SULT1C3: variants seen among roughly 807,000 people sequenced by gnomAD.
SULT1C3 encodes the protein sulfotransferase family 1C member 3, also known as sulfotransferase 1C3.
A neutral mutation model predicts 28.4 loss-of-function variants in SULT1C3; 31 were observed. The observed-to-expected ratio is 1.09, with a 90% confidence interval of 0.82 to 1.47. The LOEUF is 1.47. Ranked by LOEUF, SULT1C3 falls within the 40% of genes most tolerant of loss-of-function variation. SULT1C3 has a pLI of 0.00. For missense variants in SULT1C3, 307 were observed against 272.5 expected (o/e 1.13, Z -0.89); for synonymous variants, 106 against 92.2 (o/e 1.15, Z -0.86).
downstream of SULT1C3, chr2:108,264,718 T>C (rs1335068331): frequency 1.8e-6 from 2 of 1,140,366 alleles, no homozygotes; most frequent in Non-Finnish European, 1.2e-6. Context: ...TTAAAATGTG[T>C]TCAAATGATC....
downstream of SULT1C3, among the ~76,000 whole-genome samples, chr2:108,263,969 T>A (rs1676076974): frequency 1.3e-5 from 2 of 152,180 alleles, no homozygotes; most frequent in Admixed American, 6.5e-5. Context: ...ATCTATCTCA[T>A]GAGATCATTG....
rs562924414 is a variant in SULT1C3 at position 108,260,754 on chromosome 2, G to A, written c.*74G>A. On this transcript the variant is annotated 3_prime_UTR_variant, in exon 8 of 8. Transcript: ENST00000681802. ...CTTTTATTCTGTTGAGCAAGGAACT[G>A]TGACTGAATGTGGAGCTTATGAGCT... is the stretch of plus-strand genomic sequence containing the variant. 2.3e-6 allele frequency: 1 copy of A among 430,756 alleles called. No homozygotes were observed. Among genetic ancestry groups the A allele is most frequent in the Non-Finnish European group, 4.7e-6 (1 of 213,410 alleles). 26.7% of individuals were successfully genotyped at this position (430,756 alleles called of 1,614,324 possible).
chr2:108,260,421 A>G, intron 7 of SULT1C3, 147 bp from the exon 8 acceptor site: 1 of 326,690 alleles, frequency 3.1e-6, no homozygotes, highest in Non-Finnish European at 6.1e-6. Flanking sequence ...ATGAGGGACC[A>G]TTCATAGTGG....
At chr2:108,243,709 C>T (rs901025642) in intron 1 of SULT1C3, among the ~76,000 whole-genome samples, 56 of 152,228 alleles carry the variant, frequency 3.7e-4, no homozygotes, top group African/African-American at 1.3e-3. Flanking sequence ...GAAACCATCC[C>T]TTAGGAGTCA....
At position 108,253,454 on chromosome 2, in the gene SULT1C3, G is replaced by C; in HGVS notation, c.399+12G>C. The C allele has an allele frequency of 2.1e-6, 3 of 1,423,724 alleles. No individual in the cohort carries two copies. The highest frequency in any genetic ancestry group is 2.8e-6 in the Non-Finnish European group (3 of 1,065,598). The allele number at this position is 1,423,724 out of a possible 1,614,324, so 88.2% of individuals were successfully genotyped here. A position where few individuals can be genotyped will look rare whatever the true frequency, so the allele number is the denominator to read the frequency against. ...AAGAAAACTGCAAGGTATAAAGAGG[G>C]GGCTTTTCAAACTTCTCTTAGCTTG... On this transcript the variant is annotated intron_variant, in intron 4 of 7. Coordinates refer to ENST00000681802, the MANE Select transcript of SULT1C3 (RefSeq NM_001320878.2).
At chr2:108,252,147 TTAGA>T (rs57768246) in intron 2 of SULT1C3, among the ~76,000 whole-genome samples, 71,395 of 148,850 alleles carry the variant, frequency 0.48, 17,562 homozygotes, top group South Asian at 0.58. Context: ...AGATGATAGA[TTAGA>T]TAGATAGATA....
At chr2:108,256,753 A>G (rs896378862) in intron 5 of SULT1C3, among the ~76,000 whole-genome samples, 2 of 152,118 alleles carry the variant, frequency 1.3e-5, no homozygotes, top group African/African-American at 4.8e-5. Context: ...ATATCTGTGG[A>G]AAAGTCAATA....
chr2:108,258,859 C>A (rs918714803), intron 6 of SULT1C3, 31 bp downstream of exon 6: 1 of 1,526,464 alleles, frequency 6.6e-7, no homozygotes, highest in Non-Finnish European at 9.0e-7. Context: ...TAGGTCAGAC[C>A]CAGAAACCCT....
intron 1 of SULT1C3, among the ~76,000 whole-genome samples, chr2:108,246,183 A>G (rs1675571814): frequency 6.6e-6 from 1 of 152,210 alleles, no homozygotes; most frequent in Non-Finnish European, 1.5e-5. Context: ...ACAAGTCTCT[A>G]GAAAGTTCCA....
At position 108,247,282 on chromosome 2, in the gene SULT1C3, A is replaced by C. The variant is rs756147521; in HGVS notation, c.88A>C (p.Ile30Leu). The change falls in exon 2 of 8, where the codon ATA becomes CTA. Residue 30 changes from isoleucine to leucine, a missense_variant. Coordinates refer to ENST00000681802, the MANE Select transcript of SULT1C3 (RefSeq NM_001320878.2). ...IMEVDGVPTL[I>L]LSKEWWEKVC... ...GGAAGTAGATGGAGTCCCTACGTTG[A>C]TATTATCAAAAGAATGGTGGGAAAA... 1 of 1,598,630 alleles carries C rather than the reference A, an allele frequency of 6.3e-7. No homozygotes were observed. The highest frequency in any genetic ancestry group is 1.1e-5 in the South Asian group (1 of 88,240).
intron 1 of SULT1C3, among the ~76,000 whole-genome samples, chr2:108,241,907 A>G (rs1291981498): frequency 6.9e-6 from 1 of 145,980 alleles, no homozygotes; most frequent in East Asian, 2.1e-4. Context: ...AGCCTGGGTG[A>G]CAAAGTGAGA....
chr2:108,242,038 C>A (rs1675473953), intron 1 of SULT1C3, among the ~76,000 whole-genome samples: 1 of 151,982 alleles, frequency 6.6e-6, no homozygotes, highest in South Asian at 2.1e-4. Flanking sequence ...TTTGACTTTT[C>A]AGTATCTAAC....
intron 1 of SULT1C3, among the ~76,000 whole-genome samples, chr2:108,246,576 A>G (rs747631137): frequency 6.6e-6 from 1 of 152,198 alleles, no homozygotes; most frequent in Non-Finnish European, 1.5e-5. Context: ...GAGAGTTTTC[A>G]GGTACATGGG....
intron 2 of SULT1C3, among the ~76,000 whole-genome samples, chr2:108,249,570 G>A (rs1675675892): frequency 1.3e-5 from 2 of 151,892 alleles, no homozygotes. Flanking sequence ...ACTTAACAAA[G>A]CTGTGCATGA....
intron 7 of SULT1C3, among the ~76,000 whole-genome samples, chr2:108,259,578 G>A (rs1320718389): frequency 1.3e-5 from 2 of 152,166 alleles, no homozygotes; most frequent in Middle Eastern, 3.4e-3. Flanking sequence ...CCCTAGCTAA[G>A]CACTTAGTAC....
intron 4 of SULT1C3, 115 bp from the exon 5 acceptor site, chr2:108,255,457 A>G: frequency 1.6e-6 from 2 of 1,221,380 alleles, no homozygotes; most frequent in Non-Finnish European, 1.1e-6. Flanking sequence ...TAACTAATGT[A>G]TCTAATGCTA....
At chr2:108,264,810 C>A, downstream of SULT1C3, 1 of 1,595,744 alleles carries the variant, frequency 6.3e-7, no homozygotes, top group South Asian at 1.2e-5. Flanking sequence ...TTTGGTGTGA[C>A]TGTTCCACAT....
chr2:108,254,173 C>T (rs1675803539), intron 4 of SULT1C3, among the ~76,000 whole-genome samples: 1 of 152,034 alleles, frequency 6.6e-6, no homozygotes, highest in African/African-American at 2.4e-5. Context: ...CTCTATATGA[C>T]TTCCATGCCC....
At position 108,252,346 on chromosome 2, in the gene SULT1C3, C is replaced by A. The variant is rs758159803; in HGVS notation, c.173-19C>A. 1.3e-6 allele frequency: 2 copies of A among 1,585,684 alleles called. No individual in the cohort carries two copies. Among genetic ancestry groups the A allele is most frequent in the South Asian group, 1.2e-5 (1 of 85,830 alleles). On this transcript the variant is annotated intron_variant, in intron 2 of 7. Transcript: ENST00000681802. ...AGTTCAATTGACTAAAATTAAAGAA[C>A]TATTTCAAATATTTTCAGGTACAAC...
Sources: gnomAD v4.1 joint callset for allele counts (sites outside exome capture counted in the v4.1 genomes callset) on GRCh38, gnomAD v4.1.1 for gene constraint, MANE v1.5 for transcripts, NCBI Gene and HGNC (gene_info 2026-07-23, HGNC 2026-07-21) for gene names.